The following SREBF2 variants were observed in gnomAD, a reference collection of about 807,000 sequenced individuals.
SREBF2 encodes sterol regulatory element-binding protein 2.
SREBF2 carries 55 observed loss-of-function variants against 113.1 expected under a neutral mutation model. The observed-to-expected ratio is 0.49, with a 90% CI of 0.39 to 0.61. The LOEUF (loss-of-function observed/expected upper bound fraction) is 0.61. SREBF2 is among the 20% of genes least tolerant of loss of function. The probability of loss-of-function intolerance (pLI) is 0.00; values close to 1 mark genes in which losing one functional copy is unlikely to be tolerated. For synonymous variants in SREBF2, 593 were observed against 605.7 expected (o/e 0.98, Z 0.31); for missense variants, 1,349 against 1,487.4 (o/e 0.91, Z 1.53).
chr22:41,847,976 C>T (rs1206327759), intron 1 of SREBF2, among the ~76,000 whole-genome samples: 2 of 149,286 alleles, frequency 1.3e-5, no homozygotes, highest in Non-Finnish European at 1.5e-5. Flanking sequence ...AGTGCAGTGG[C>T]GCAAACTCGG....
At chr22:41,898,864 G>T in intron 15 of SREBF2, 83 bp downstream of exon 15, 1 of 1,567,964 alleles carries the variant, frequency 6.4e-7, no homozygotes, top group East Asian at 2.3e-5. Flanking sequence ...GGACTGGGTG[G>T]GCGTGTTGGG....
chr22:41,875,020 T>C (rs1002656633), intron 5 of SREBF2, among the ~76,000 whole-genome samples: 40 of 152,062 alleles, frequency 2.6e-4, no homozygotes, highest in African/African-American at 8.2e-4. Context: ...GTGGGAACAA[T>C]AGCTAATATT....
intron 1 of SREBF2, among the ~76,000 whole-genome samples, chr22:41,860,899 A>T (rs2077020552): frequency 2.0e-5 from 3 of 152,102 alleles, no homozygotes; most frequent in African/African-American, 7.2e-5. Context: ...AAAAAAAAAG[A>T]TAAGGCTGAA....
At chr22:41,847,618 A>G (rs2076888972) in intron 1 of SREBF2, among the ~76,000 whole-genome samples, 1 of 152,210 alleles carries the variant, frequency 6.6e-6, no homozygotes, top group South Asian at 2.1e-4. Context: ...GGTAGCTAAG[A>G]GCTTGACTTT....
intron 5 of SREBF2, among the ~76,000 whole-genome samples, chr22:41,874,844 T>C (rs1384424945): frequency 1.3e-5 from 2 of 152,278 alleles, no homozygotes; most frequent in Non-Finnish European, 1.5e-5. Flanking sequence ...GAGGCAGAGG[T>C]TGCAGTGATC....
chr22:41,837,538 A>G (rs1161256347), intron 1 of SREBF2, among the ~76,000 whole-genome samples: 1 of 146,834 alleles, frequency 6.8e-6, no homozygotes, highest in Non-Finnish European at 1.5e-5. Context: ...AGCCTAGGCA[A>G]CAGAATGAGA....
intron 9 of SREBF2, chr22:41,878,884 A>G: frequency 2.0e-6 from 1 of 504,984 alleles, no homozygotes; most frequent in Non-Finnish European, 3.4e-6. Context: ...TGTGATTTTG[A>G]GAGGCCTGTT....
intron 14 of SREBF2, 110 bp downstream of exon 14, chr22:41,897,271 T>A: frequency 1.5e-6 from 1 of 657,138 alleles, no homozygotes; most frequent in Non-Finnish European, 2.6e-6. Flanking sequence ...GCATCTTCTC[T>A]GGATCCCAGG....
At chr22:41,862,723 C>T (rs911773479) in intron 1 of SREBF2, among the ~76,000 whole-genome samples, 2 of 152,120 alleles carry the variant, frequency 1.3e-5, no homozygotes, top group Non-Finnish European at 2.9e-5. Flanking sequence ...TTCCTGGCAC[C>T]GCAGACCAGA....
At chr22:41,865,327 T>A (rs1602299995) in intron 1 of SREBF2, among the ~76,000 whole-genome samples, 1 of 152,206 alleles carries the variant, frequency 6.6e-6, no homozygotes, top group East Asian at 1.9e-4. Flanking sequence ...GGGGCCATAG[T>A]TCAAGAACAA....
intron 17 of SREBF2, 115 bp downstream of exon 17, chr22:41,903,270 G>A: frequency 1.5e-6 from 2 of 1,317,646 alleles, no homozygotes; most frequent in Non-Finnish European, 2.1e-6. Context: ...AGGTCAGCCT[G>A]GTGACCTGTC....
chr22:41,891,351 A>G (rs552343014), intron 11 of SREBF2: 3 of 152,310 alleles, frequency 2.0e-5, no homozygotes, highest in African/African-American at 7.2e-5. Flanking sequence ...ACTGGTTACC[A>G]AAGAGGAAGG....
intron 1 of SREBF2, among the ~76,000 whole-genome samples, chr22:41,839,333 T>C (rs1158703237): frequency 6.6e-6 from 1 of 151,922 alleles, no homozygotes; most frequent in East Asian, 1.9e-4. Flanking sequence ...GGATGGAGAT[T>C]GAAGAGAGTC....
intron 9 of SREBF2, 31 bp downstream of exon 9, chr22:41,878,154 C>G (rs1257871513): frequency 1.2e-6 from 2 of 1,612,204 alleles, no homozygotes; most frequent in African/African-American, 2.7e-5. Flanking sequence ...TCCCCATCCT[C>G]CCCCAGACTT....
At chr22:41,896,747 A>G (rs1475463368) in intron 13 of SREBF2, among the ~76,000 whole-genome samples, 2 of 152,158 alleles carry the variant, frequency 1.3e-5, no homozygotes, top group African/African-American at 2.4e-5. Context: ...GAGATAAGAA[A>G]ACTTTTGGGA....
rs571633227 is a variant in SREBF2, at chr22:41,845,087, T to A, written c.88+11729T>A. On this transcript the variant is annotated intron_variant, in intron 1 of 18. Coordinates refer to ENST00000361204, the MANE Select transcript of SREBF2 (RefSeq NM_004599.4). ...CTGGGATTACAGGTGTGTGCCACTA[T>A]GCCAGGCTAATTTTTGTATTTTTAG... is the stretch of plus-strand genomic sequence containing the variant. Among the ~76,000 whole-genome samples the A allele has an allele frequency of 2.0e-5, 3 of 152,050 alleles. No individual in the cohort carries two copies. In the East Asian group the frequency reaches 5.8e-4, roughly 29 times the overall value.
intron 5 of SREBF2, 109 bp from the exon 6 acceptor site, chr22:41,875,228 G>T: frequency 2.2e-6 from 2 of 890,942 alleles, no homozygotes. Context: ...TCTGAACTTG[G>T]TTTCTCCTCT....
chr22:41,861,006 G>T (rs188895743), intron 1 of SREBF2, among the ~76,000 whole-genome samples: 1 of 152,324 alleles, frequency 6.6e-6, no homozygotes, highest in East Asian at 1.9e-4. Context: ...CTCTGAAAAG[G>T]ATGATGTTAC....
chr22:41,898,811 C>T (rs1029601836), intron 15 of SREBF2, 30 bp downstream of exon 15: 1 of 1,612,534 alleles, frequency 6.2e-7, no homozygotes, highest in African/African-American at 1.3e-5. Context: ...CACTCACTTG[C>T]TTCTCTCCAG....
Sources: gnomAD v4.1 joint callset for allele counts (sites outside exome capture counted in the v4.1 genomes callset) on GRCh38, gnomAD v4.1.1 for gene constraint, MANE v1.5 for transcripts, NCBI Gene and HGNC (gene_info 2026-07-23, HGNC 2026-07-21) for gene names.